Variants in PCDHA4 observed in about 807,000 individuals in gnomAD.
PCDHA4 encodes protocadherin alpha 4, also known as protocadherin alpha-4.
Under a neutral mutation model 61.4 loss-of-function variants are expected in PCDHA4, and 49 were observed. The observed-to-expected ratio is 0.80, with a 90% CI of 0.63 to 1.01. PCDHA4 has a LOEUF of 1.01. PCDHA4 is among the 50% of genes least tolerant of loss of function. The pLI, the probability that PCDHA4 is intolerant of heterozygous loss-of-function variation, is 0.00. For missense variants in PCDHA4, 1,254 were observed against 1,235.8 expected (o/e 1.01, Z -0.22); for synonymous variants, 590 against 550.3 (o/e 1.07, Z -1.01).
intron 1 of PCDHA4, chr5:140,929,179 G>C: frequency 6.2e-7 from 1 of 1,614,104 alleles, no homozygotes. Context: ...TCTGGGACTT[G>C]GTTCTGATAA....
At chr5:140,948,957 C>G (rs1338643900) in intron 1 of PCDHA4, among the ~76,000 whole-genome samples, 2 of 151,542 alleles carry the variant, frequency 1.3e-5, no homozygotes, top group Admixed American at 1.3e-4. Context: ...AAATTAAAGC[C>G]ACGAATTTAT....
chr5:140,862,449 G>A (rs904755604), intron 1 of PCDHA4: 31 of 364,384 alleles, frequency 8.5e-5, no homozygotes, highest in African/African-American at 6.4e-4. Context: ...ACTCCACAGC[G>A]CCCTGGACCA....
intron 1 of PCDHA4, chr5:140,852,739 A>G: frequency 2.0e-6 from 2 of 984,418 alleles, no homozygotes. Flanking sequence ...TTCATGTGCC[A>G]TTTAAACTTG....
chr5:140,865,920 G>A (rs1282584078), intron 1 of PCDHA4: 2 of 152,110 alleles, frequency 1.3e-5, no homozygotes, highest in African/African-American at 2.4e-5. Flanking sequence ...TTTCTGTTGT[G>A]CTTAGAAGAA....
At chr5:140,997,251 G>T (rs1217959179) in intron 3 of PCDHA4, among the ~76,000 whole-genome samples, 2 of 152,060 alleles carry the variant, frequency 1.3e-5, no homozygotes, top group Non-Finnish European at 2.9e-5. Context: ...TTACTTTAGG[G>T]TTCACTCTTC....
chr5:140,863,054 C>G (rs782230068), intron 1 of PCDHA4: 4 of 563,138 alleles, frequency 7.1e-6, no homozygotes, highest in Non-Finnish European at 1.4e-5. Flanking sequence ...TGGCAGCACC[C>G]GTTCCACGTG....
chr5:140,848,750 T>C, intron 1 of PCDHA4: 1 of 1,593,288 alleles, frequency 6.3e-7, no homozygotes. Context: ...GCATTTTGTT[T>C]GTGAATTCTC....
At chr5:140,840,332 C>G (rs1776661015) in intron 1 of PCDHA4, among the ~76,000 whole-genome samples, 1 of 151,624 alleles carries the variant, frequency 6.6e-6, no homozygotes, top group African/African-American at 2.4e-5. Context: ...ATTTTCTAGG[C>G]AATGTTAGGG....
chr5:140,926,889 G>A, intron 1 of PCDHA4: 1 of 1,545,026 alleles, frequency 6.5e-7, no homozygotes, highest in Non-Finnish European at 8.7e-7. Context: ...CGCCTAGAGG[G>A]AGGATGGTGG....
intron 1 of PCDHA4, chr5:140,843,071 T>C (rs2150189286): frequency 2.5e-6 from 4 of 1,595,230 alleles, no homozygotes; most frequent in East Asian, 2.2e-5. Context: ...GGTGCCGCGG[T>C]CTGTGGGCGC....
intron 1 of PCDHA4, chr5:140,871,054 A>G: frequency 6.2e-7 from 1 of 1,613,204 alleles, no homozygotes. Flanking sequence ...AGTACTGGTG[A>G]AGGATCACGG....
intron 1 of PCDHA4, chr5:140,875,665 C>A: frequency 6.2e-7 from 1 of 1,613,748 alleles, no homozygotes; most frequent in Non-Finnish European, 8.5e-7. Flanking sequence ...GCGCCTGTTC[C>A]GGGTGGCGTC....
intron 1 of PCDHA4, chr5:140,835,801 A>T: frequency 6.2e-7 from 1 of 1,613,074 alleles, no homozygotes; most frequent in Non-Finnish European, 8.5e-7. Context: ...CCGGGCTGCC[A>T]CATCTTCACT....
At chr5:140,971,624 T>C (rs2153790714) in intron 1 of PCDHA4, among the ~76,000 whole-genome samples, 1 of 152,254 alleles carries the variant, frequency 6.6e-6, no homozygotes, top group East Asian at 1.9e-4. Flanking sequence ...TGGGGTACAA[T>C]TAGTACCATG....
chr5:140,888,441 A>G (rs2061829051), intron 1 of PCDHA4, among the ~76,000 whole-genome samples: 1 of 152,222 alleles, frequency 6.6e-6, no homozygotes, highest in African/African-American at 2.4e-5. Context: ...CAGCCGCCCA[A>G]CAATAAAGAA....
At chr5:140,994,733 C>G (rs2097647887) in intron 3 of PCDHA4, among the ~76,000 whole-genome samples, 1 of 152,034 alleles carries the variant, frequency 6.6e-6, no homozygotes, top group Non-Finnish European at 1.5e-5. Context: ...CTGGGTATTG[C>G]AGGATGGCAA....
intron 1 of PCDHA4, chr5:140,822,232 C>T (rs1408696060): frequency 1.2e-6 from 2 of 1,614,214 alleles, no homozygotes; most frequent in Admixed American, 3.3e-5. Flanking sequence ...GCGGTTTCCG[C>T]TAGAGGGCGC....
intron 1 of PCDHA4, among the ~76,000 whole-genome samples, chr5:140,953,785 T>C (rs2094935669): frequency 6.6e-6 from 1 of 152,224 alleles, no homozygotes. Context: ...TTTATTTTTT[T>C]CTTCAACTTT....
chr5:140,954,830 T>TG (rs2095095109), intron 1 of PCDHA4, among the ~76,000 whole-genome samples: 1 of 152,220 alleles, frequency 6.6e-6, no homozygotes, highest in Admixed American at 6.5e-5. Flanking sequence ...GGCACTTTTG[T>TG]CATGAAATCT....
Sources: allele counts gnomAD v4.1 joint callset (sites outside exome capture counted in the v4.1 genomes callset), GRCh38; gene constraint gnomAD v4.1.1; transcripts MANE v1.5; gene names NCBI Gene and HGNC (gene_info 2026-07-23, HGNC 2026-07-21).